The following FRMD4A variants were observed in gnomAD, a reference collection of about 807,000 sequenced individuals.
FRMD4A encodes FERM domain containing 4A.
A neutral mutation model predicts 129.1 loss-of-function variants in FRMD4A; 29 were observed. That is an observed-to-expected ratio of 0.22 (90% CI 0.17 to 0.31). The LOEUF (loss-of-function observed/expected upper bound fraction) is 0.31. FRMD4A is among the 10% of genes least tolerant of loss of function. FRMD4A has a pLI of 1.00. For synonymous variants in FRMD4A, 634 were observed against 571.6 expected (o/e 1.11, Z -1.56); for missense variants, 1,272 against 1,375.8 (o/e 0.92, Z 1.19).
chr10:14,152,117 C>CTTTTTTTTTTTT (rs36023583), intron 2 of FRMD4A, among the ~76,000 whole-genome samples: 1 of 54,152 alleles, frequency 1.8e-5, no homozygotes, highest in African/African-American at 7.5e-5. Context: ...TTGTGTAGTG[C>CTTTTTTTTTTTT]TTTTTTTTTT....
At chr10:14,038,020 C>T (rs1248978832) in intron 2 of FRMD4A, among the ~76,000 whole-genome samples, 1 of 152,130 alleles carries the variant, frequency 6.6e-6, no homozygotes, top group Non-Finnish European at 1.5e-5. Context: ...TCACTGAAGT[C>T]CACATTTAAA....
intron 9 of FRMD4A, among the ~76,000 whole-genome samples, chr10:13,742,580 G>T (rs1031551940): frequency 6.6e-6 from 1 of 152,194 alleles, no homozygotes; most frequent in Non-Finnish European, 1.5e-5. Context: ...GCAGTGGTAT[G>T]ATCCTGACTC....
At chr10:14,055,495 A>C (rs1325229423) in intron 2 of FRMD4A, among the ~76,000 whole-genome samples, 1 of 142,506 alleles carries the variant, frequency 7.0e-6, no homozygotes, top group Non-Finnish European at 1.5e-5. Flanking sequence ...ACACACACAC[A>C]CACTCAAGAC....
intron 2 of FRMD4A, among the ~76,000 whole-genome samples, chr10:14,128,166 TA>T (rs1362714418): frequency 4.6e-5 from 7 of 150,830 alleles, no homozygotes; most frequent in African/African-American, 1.5e-4. Flanking sequence ...TGCAGTGGTG[TA>T]ATCTCAGCTC....
chr10:13,806,868 C>T (rs1353162543), intron 4 of FRMD4A, among the ~76,000 whole-genome samples: 3 of 152,190 alleles, frequency 2.0e-5, no homozygotes, highest in Non-Finnish European at 4.4e-5. Flanking sequence ...AGTGCAGTGG[C>T]ATGACCTCGG....
chr10:13,998,656 C>T (rs1708179235), intron 2 of FRMD4A, among the ~76,000 whole-genome samples: 1 of 152,120 alleles, frequency 6.6e-6, no homozygotes, highest in South Asian at 2.1e-4. Context: ...GGGGGCCGTT[C>T]TTGACTCCTG....
At chr10:13,687,355 C>T (rs2085186720) in intron 15 of FRMD4A, among the ~76,000 whole-genome samples, 2 of 152,172 alleles carry the variant, frequency 1.3e-5, no homozygotes, top group South Asian at 4.1e-4. Flanking sequence ...CAAAACAACA[C>T]TTAGAACAAA....
intron 9 of FRMD4A, among the ~76,000 whole-genome samples, chr10:13,742,244 T>C (rs2091048764): frequency 6.6e-6 from 1 of 152,050 alleles, no homozygotes; most frequent in Non-Finnish European, 1.5e-5. Context: ...CTGGTGCCCA[T>C]GAGGTAGGAG....
At chr10:13,954,383 G>A (rs1377756634) in intron 2 of FRMD4A, among the ~76,000 whole-genome samples, 1 of 152,196 alleles carries the variant, frequency 6.6e-6, no homozygotes, top group African/African-American at 2.4e-5. Context: ...GAGAGAGCGT[G>A]TGCGGGGGAA....
chr10:14,197,676 A>T (rs1020923508), intron 2 of FRMD4A, among the ~76,000 whole-genome samples: 2 of 152,216 alleles, frequency 1.3e-5, no homozygotes, highest in South Asian at 4.1e-4. Flanking sequence ...CACTCTAGTT[A>T]TGACAAATCC....
chr10:13,740,605 G>A (rs6602679), intron 9 of FRMD4A, 28 bp from the exon 10 acceptor site: 801,771 of 1,268,324 alleles, frequency 0.63, 258,307 homozygotes, highest in East Asian at 0.96. Context: ...GAATGCTGTT[G>A]TTGGAGTCTC....
intron 2 of FRMD4A, among the ~76,000 whole-genome samples, chr10:14,196,990 C>T (rs1024385559): frequency 6.6e-6 from 1 of 152,112 alleles, no homozygotes; most frequent in Non-Finnish European, 1.5e-5. Flanking sequence ...AATTGGAAAC[C>T]AACGAATTGG....
rs141643341 is a variant in FRMD4A at position 13,673,637 on chromosome 10, C to A, written c.1251+1274G>T. Reference sequence around the variant, plus strand: ...ATGTGTATTGCATTAAAACATGAAGCCTTCAAACACTTCTAACAAATAGTC... The same window carrying A: ...ATGTGTATTGCATTAAAACATGAAGACTTCAAACACTTCTAACAAATAGTC... On this transcript the variant is annotated intron_variant, in intron 16 of 24. Coordinates refer to ENST00000357447, the MANE Select transcript of FRMD4A (RefSeq NM_018027.5). 2.4e-4 allele frequency among the ~76,000 whole-genome samples: 36 copies of A among 152,092 alleles called. No homozygotes were observed. The South Asian group carries it at 2.5e-3, about 11-fold the overall frequency.
chr10:13,753,194 T>C (rs2091707817), intron 8 of FRMD4A, among the ~76,000 whole-genome samples: 1 of 152,252 alleles, frequency 6.6e-6, no homozygotes, highest in African/African-American at 2.4e-5. Context: ...CCCTTTCCTT[T>C]CTTCCTCCTC....
intron 8 of FRMD4A, among the ~76,000 whole-genome samples, chr10:13,751,141 C>T (rs1344884839): frequency 6.6e-6 from 1 of 152,168 alleles, no homozygotes; most frequent in Non-Finnish European, 1.5e-5. Context: ...ACACCCATCA[C>T]ATCTAAAGTA....
At position 14,095,915 on chromosome 10, in the gene FRMD4A, A is replaced by G. The variant is rs951325082; in HGVS notation, c.45+234143T>C. Among the ~76,000 whole-genome samples the G allele has an allele frequency of 1.3e-5, 2 of 152,214 alleles. 1 individual carries two copies. Among genetic ancestry groups the G allele is most frequent in the East Asian group, 3.8e-4 (2 of 5,202 alleles). On this transcript the variant is annotated intron_variant, in intron 2 of 24. Transcript: ENST00000357447. ...GAATCAATAAAACCAGAAGATGAAC[A>G]GGAAGACATAAGGAGCGCAAGTGGA... is the stretch of plus-strand genomic sequence containing the variant.
intron 12 of FRMD4A, among the ~76,000 whole-genome samples, chr10:13,736,640 A>C (rs2090644144): frequency 6.6e-6 from 1 of 152,362 alleles, no homozygotes; most frequent in Admixed American, 6.5e-5. Flanking sequence ...CCTACAATCC[A>C]CTTAGATATG....
At chr10:13,737,201 T>C (rs1223760660) in intron 12 of FRMD4A, among the ~76,000 whole-genome samples, 2 of 152,246 alleles carry the variant, frequency 1.3e-5, no homozygotes, top group Non-Finnish European at 2.9e-5. Flanking sequence ...GCGATTCTCA[T>C]GCCTCAGCCT....
intron 2 of FRMD4A, among the ~76,000 whole-genome samples, chr10:14,032,999 C>G (rs1388012623): frequency 6.6e-6 from 1 of 152,156 alleles, no homozygotes; most frequent in Non-Finnish European, 1.5e-5. Flanking sequence ...CGAGGCTCCA[C>G]TACGTTCTTT....
Sources: allele counts gnomAD v4.1 joint callset (sites outside exome capture counted in the v4.1 genomes callset), GRCh38; gene constraint gnomAD v4.1.1; transcripts MANE v1.5; gene names NCBI Gene and HGNC (gene_info 2026-07-23, HGNC 2026-07-21).